Variants in TOP1 observed in about 807,000 individuals in gnomAD.
TOP1 encodes the protein DNA topoisomerase I.
In TOP1, 10 loss-of-function variants were observed where a neutral mutation model predicts 111.1. The ratio of observed to expected loss-of-function variants is 0.09; its 90% CI spans 0.06 to 0.15. TOP1 has a LOEUF of 0.15. TOP1 is among the 10% of genes least tolerant of loss of function. The probability of loss-of-function intolerance (pLI) is 1.00; values close to 1 mark genes in which losing one functional copy is unlikely to be tolerated. For missense variants in TOP1, 474 were observed against 926.7 expected (o/e 0.51, Z 6.34); for synonymous variants, 271 against 302.9 (o/e 0.89, Z 1.10).
rs2033813039 is a variant in TOP1, at chr20:41,083,527, A to G, written c.508-935A>G. Among the ~76,000 whole-genome samples the G allele has an allele frequency of 6.6e-6, 1 of 152,196 alleles. No individual in the cohort carries two copies. Among genetic ancestry groups the G allele is most frequent in the South Asian group, 2.1e-4 (1 of 4,834 alleles). ...GCTATATGACCTTGATCAAGTGACA[A>G]AATATGTTTCAAAGTCCTTGATTGT... On this transcript the variant is annotated intron_variant, in intron 7 of 20. Coordinates refer to ENST00000361337, the MANE Select transcript of TOP1 (RefSeq NM_003286.4). This position sits in a 1 kb window ranked among gnomAD's most constrained non-coding sequence, Gnocchi z 7.2.
chr20:41,115,034 CATATT>C lies in TOP1; in HGVS notation c.1639-333_1639-329del, dbSNP rs1357039104. Reference sequence around the variant, plus strand: ...ACATACACACTGAAATGTTTAGGACCATATTATAAGTAAGTACTTATAAATGTACT... The same window carrying C: ...ACATACACACTGAAATGTTTAGGACCATAAGTAAGTACTTATAAATGTACT... On this transcript the variant is annotated intron_variant, in intron 15 of 20. Coordinates refer to ENST00000361337, the MANE Select transcript of TOP1 (RefSeq NM_003286.4). This position sits in a 1 kb window ranked among gnomAD's most constrained non-coding sequence, Gnocchi z 6.3. Among the ~76,000 whole-genome samples the C allele has an allele frequency of 5.3e-5, 8 of 152,010 alleles. No homozygotes were observed. The South Asian group carries it at 1.7e-3, about 32-fold the overall frequency.
At chr20:41,039,476 CA>C (rs766201286) in intron 2 of TOP1, among the ~76,000 whole-genome samples, 92 of 152,114 alleles carry the variant, frequency 6.0e-4, no homozygotes, top group Non-Finnish European at 1.0e-3. Flanking sequence ...TAAAATGTTA[CA>C]AAAAATGGTT....
intron 8 of TOP1, among the ~76,000 whole-genome samples, chr20:41,090,510 A>G (rs2033907026): frequency 6.6e-6 from 1 of 151,532 alleles, no homozygotes; most frequent in Non-Finnish European, 1.5e-5. Context: ...AGTTCAGTTT[A>G]TTTATTTATT....
chr20:41,077,838 A>G (rs1490979007), intron 5 of TOP1, among the ~76,000 whole-genome samples: 2 of 152,060 alleles, frequency 1.3e-5, no homozygotes, highest in African/African-American at 4.8e-5. Flanking sequence ...TGACCAGCAC[A>G]TTTTCCAGAA....
In TOP1 at chr20:41,102,687, C is replaced by T. The variant is rs1284312155; in HGVS notation, c.1308+1334C>T. On this transcript the variant is annotated intron_variant, in intron 13 of 20. Transcript: ENST00000361337. This position sits in a 1 kb window ranked among gnomAD's most constrained non-coding sequence, Gnocchi z 4.0. ...GATAAGTACAAAATCAGAAAGCGAA[C>T]ACTTATGTTGAGCAGACTAGTCATT... 6.6e-6 allele frequency among the ~76,000 whole-genome samples: 1 copy of T among 152,136 alleles called. No individual in the cohort carries two copies. Among genetic ancestry groups the T allele is most frequent in the African/African-American group, 2.4e-5 (1 of 41,426 alleles).
In TOP1 at chr20:41,097,683, G is replaced by A. The variant is rs376384079; in HGVS notation, c.852+342G>A. The stretch of plus-strand genomic sequence containing the variant: ...CTGTTGCAAAGAGAAATGTTAATCT[G>A]ATGTCCCTCTCGCTGTTAATTCTTG... On this transcript the variant is annotated intron_variant, in intron 10 of 20. Coordinates refer to ENST00000361337, the MANE Select transcript of TOP1 (RefSeq NM_003286.4). The surrounding 1 kb of genome is among the most constrained non-coding windows in gnomAD (Gnocchi z 4.2). Among the ~76,000 whole-genome samples the A allele has an allele frequency of 3.9e-5, 6 of 152,192 alleles. No individual in the cohort carries two copies. Among genetic ancestry groups the A allele is most frequent in the Non-Finnish European group, 7.4e-5 (5 of 68,026 alleles).
Position 41,123,651 on chromosome 20 carries a change from C to T in TOP1, c.*354C>T, listed in dbSNP as rs951208151. On this transcript the variant is annotated 3_prime_UTR_variant, in exon 21 of 21. Transcript: ENST00000361337. The surrounding 1 kb of genome is among the most constrained non-coding windows in gnomAD (Gnocchi z 5.8). ...TCTCTTAGCTACTGTATGCAAAGTC[C>T]GATTATATTGGTGCGTTTTTACAGT... 11 of 245,238 alleles carry T rather than the reference C, an allele frequency of 4.5e-5. No individual in the cohort carries two copies. Among genetic ancestry groups the T allele is most frequent in the African/African-American group, 2.2e-4 (10 of 45,556 alleles). 15.2% of individuals were successfully genotyped at this position (245,238 alleles called of 1,614,324 possible).
chr20:41,076,895 A>G (rs889736292), intron 4 of TOP1, among the ~76,000 whole-genome samples: 1 of 152,076 alleles, frequency 6.6e-6, no homozygotes, highest in African/African-American at 2.4e-5. Context: ...TATACTGATT[A>G]TGTTTTGTAT....
chr20:41,042,872 G>T (rs952951495), intron 2 of TOP1, among the ~76,000 whole-genome samples: 3 of 152,142 alleles, frequency 2.0e-5, no homozygotes, highest in African/African-American at 7.2e-5. Flanking sequence ...TAAGAAAATT[G>T]TAAGGAAGAG....
rs1345911729 is a variant in TOP1, at chr20:41,083,593, G to C, written c.508-869G>C. Among the ~76,000 whole-genome samples, 2 of 152,106 alleles carry C rather than the reference G, an allele frequency of 1.3e-5. No homozygotes were observed. Among genetic ancestry groups the C allele is most frequent in the South Asian group, 2.1e-4 (1 of 4,830 alleles). On this transcript the variant is annotated intron_variant, in intron 7 of 20. Coordinates refer to ENST00000361337, the MANE Select transcript of TOP1 (RefSeq NM_003286.4). The surrounding 1 kb of genome is among the most constrained non-coding windows in gnomAD (Gnocchi z 7.2). ...AATGAACCCATCCATACACTTTCCAGCTGTGCCACTCTTTAATTGATTTTA... is the reference window on the plus strand; with the variant it reads ...AATGAACCCATCCATACACTTTCCACCTGTGCCACTCTTTAATTGATTTTA...
chr20:41,116,487 C>G lies in TOP1; in HGVS notation c.1822+95C>G. 4.2e-6 allele frequency: 4 copies of G among 945,968 alleles called. No individual in the cohort carries two copies. Among genetic ancestry groups the G allele is most frequent in the Non-Finnish European group, 6.6e-6 (4 of 607,332 alleles). 58.6% of individuals were successfully genotyped at this position (945,968 alleles called of 1,614,324 possible). ...GCCTAGAGTCAGTTCTACTTTTTTT[C>G]CCTACCATTGTGGTCAGACACTTTT... is the stretch of plus-strand genomic sequence containing the variant. On this transcript the variant is annotated intron_variant, in intron 17 of 20. Coordinates refer to ENST00000361337, the MANE Select transcript of TOP1 (RefSeq NM_003286.4). The surrounding 1 kb of genome is among the most constrained non-coding windows in gnomAD (Gnocchi z 5.6).
In TOP1 at chr20:41,029,464, GC is replaced by G. The variant is rs1209761437; in HGVS notation, c.58+14del. 2.6e-6 allele frequency: 4 copies of G among 1,540,658 alleles called. No individual in the cohort carries two copies. Among genetic ancestry groups the G allele is most frequent in the Admixed American group, 2.1e-5 (1 of 48,290 alleles). On this transcript the variant is annotated intron_variant, in intron 2 of 20. Transcript: ENST00000361337. The surrounding 1 kb of genome is among the most constrained non-coding windows in gnomAD (Gnocchi z 6.1). ...GGATTTCCGATTGAATGGTGAGTGT[GC>G]CCCCTGCGCCGACTCCGGGGCCCCC...
intron 8 of TOP1, among the ~76,000 whole-genome samples, chr20:41,085,133 A>G (rs1367893039): frequency 2.0e-5 from 3 of 152,068 alleles, no homozygotes; most frequent in African/African-American, 7.2e-5. Flanking sequence ...AAGGGCTGAT[A>G]TTCCTAATAT....
chr20:41,033,940 G>T (rs1312543397), intron 2 of TOP1, among the ~76,000 whole-genome samples: 1 of 151,812 alleles, frequency 6.6e-6, no homozygotes, highest in Non-Finnish European at 1.5e-5. Flanking sequence ...ATGAAGCTGT[G>T]GAAATGTTTG....
chr20:41,072,471 T>G (rs1205978319), intron 3 of TOP1: 7 of 985,348 alleles, frequency 7.1e-6, no homozygotes, highest in Non-Finnish European at 7.2e-6. Context: ...TCAGCCTGAC[T>G]GACCCCACAT....
chr20:41,039,743 C>T (rs1467249260), intron 2 of TOP1, among the ~76,000 whole-genome samples: 1 of 152,016 alleles, frequency 6.6e-6, no homozygotes, highest in African/African-American at 2.4e-5. Context: ...CCCGTCTCTA[C>T]TAAAAATACA....
chr20:41,058,448 T>C lies in TOP1; in HGVS notation c.59-2946T>C, dbSNP rs1401173354. Reference sequence around the variant, plus strand: ...AGTCATTTGAAAACTTAATTTAGGCTAGAAGGTCCACTTCCAGGATGGCTC... The same window carrying C: ...AGTCATTTGAAAACTTAATTTAGGCCAGAAGGTCCACTTCCAGGATGGCTC... On this transcript the variant is annotated intron_variant, in intron 2 of 20. Transcript: ENST00000361337. This position sits in a 1 kb window ranked among gnomAD's most constrained non-coding sequence, Gnocchi z 4.2. Among the ~76,000 whole-genome samples the C allele has an allele frequency of 6.6e-6, 1 of 152,204 alleles. No individual in the cohort carries two copies. The highest frequency in any genetic ancestry group is 1.5e-5 in the Non-Finnish European group (1 of 68,024).
chr20:41,033,703 T>C (rs1157686916), intron 2 of TOP1, among the ~76,000 whole-genome samples: 2 of 152,242 alleles, frequency 1.3e-5, no homozygotes, highest in Non-Finnish European at 2.9e-5. Context: ...AAAACCATGT[T>C]ATTTCATATT....
intron 2 of TOP1, among the ~76,000 whole-genome samples, chr20:41,031,716 T>A (rs1236521515): frequency 6.6e-6 from 1 of 152,232 alleles, no homozygotes; most frequent in African/African-American, 2.4e-5. Flanking sequence ...TTTACTAGCT[T>A]GCCCAAGGGC....
Sources: gnomAD v4.1 joint callset for allele counts (sites outside exome capture counted in the v4.1 genomes callset) on GRCh38, gnomAD v4.1.1 for gene constraint, Gnocchi (gnomAD v3.1) non-coding constraint, MANE v1.5 for transcripts, NCBI Gene and HGNC (gene_info 2026-07-23, HGNC 2026-07-21) for gene names.